Variants in DRC8 observed in about 807,000 individuals in gnomAD.
DRC8 encodes dynein regulatory complex protein 8.
At chr1:245,093,693 C>T in the DRC8 span, among the ~76,000 whole-genome samples, 1 of 138,204 alleles carries the variant, frequency 7.2e-6, no homozygotes. Context: ...AAGACTCCAT[C>T]TCACAAAAAA....
the DRC8 span, among the ~76,000 whole-genome samples, chr1:244,996,705 A>G: frequency 6.6e-6 from 1 of 152,326 alleles, no homozygotes; most frequent in East Asian, 1.9e-4. Context: ...CCTTAGGTAA[A>G]GGAGTGGATA....
chr1:244,969,896 G>C, the DRC8 span: 4 of 458,634 alleles, frequency 8.7e-6, no homozygotes, highest in Middle Eastern at 5.5e-4. Flanking sequence ...TGGGAAGCGG[G>C]AGGAGGAGGC....
At chr1:245,051,284 C>T in the DRC8 span, among the ~76,000 whole-genome samples, 806 of 152,006 alleles carry the variant, frequency 5.3e-3, 4 homozygotes, top group African/African-American at 0.018. Context: ...CTCAGTTGCT[C>T]GGAAGGCTGA....
chr1:244,970,488 C>T, the DRC8 span: 1 of 1,521,078 alleles, frequency 6.6e-7, no homozygotes, highest in Non-Finnish European at 8.8e-7. Context: ...CCGCCCGCCG[C>T]GACCCCGGGC....
chr1:244,970,802 CG>C, the DRC8 span: 1 of 362,516 alleles, frequency 2.8e-6, no homozygotes, highest in Non-Finnish European at 5.0e-6. Context: ...CCTCGGAGGC[CG>C]GGCCTTGCAT....
the DRC8 span, among the ~76,000 whole-genome samples, chr1:245,112,832 C>T: frequency 6.6e-6 from 1 of 151,700 alleles, no homozygotes; most frequent in East Asian, 1.9e-4. Context: ...TGGCTCACTG[C>T]AGCCTCCGCC....
At chr1:245,020,835 G>T in the DRC8 span, among the ~76,000 whole-genome samples, 1 of 147,918 alleles carries the variant, frequency 6.8e-6, no homozygotes, top group African/African-American at 2.5e-5. Flanking sequence ...TCACCATGTT[G>T]TCCAGGCTGG....
the DRC8 span, among the ~76,000 whole-genome samples, chr1:245,012,190 A>C: frequency 6.6e-6 from 1 of 152,208 alleles, no homozygotes; most frequent in Non-Finnish European, 1.5e-5. Flanking sequence ...ATGCAAATAA[A>C]GTTTGGAAAC....
At chr1:245,060,914 A>G in the DRC8 span, among the ~76,000 whole-genome samples, 1 of 152,240 alleles carries the variant, frequency 6.6e-6, no homozygotes, top group Non-Finnish European at 1.5e-5. Flanking sequence ...AAACACAGCT[A>G]AACTCATTTA....
the DRC8 span, among the ~76,000 whole-genome samples, chr1:245,088,367 T>C: frequency 0.011 from 1,642 of 148,938 alleles, 85 homozygotes; most frequent in East Asian, 0.14. The surrounding 1 kb of genome is among the most constrained non-coding windows in gnomAD (Gnocchi z 4.6). Context: ...TATTTGAAGA[T>C]GGCTTCACCA....
At chr1:245,069,459 G>A in the DRC8 span, among the ~76,000 whole-genome samples, 1 of 152,130 alleles carries the variant, frequency 6.6e-6, no homozygotes, top group Non-Finnish European at 1.5e-5. Flanking sequence ...CAGGGTAACA[G>A]AGGCAGAAGA....
At chr1:245,000,561 A>G in the DRC8 span, among the ~76,000 whole-genome samples, 1 of 152,094 alleles carries the variant, frequency 6.6e-6, no homozygotes, top group Non-Finnish European at 1.5e-5. Context: ...CAGGCAGATC[A>G]TGAGGTCAGG....
chr1:245,111,199 A>T, the DRC8 span, among the ~76,000 whole-genome samples: 1 of 152,222 alleles, frequency 6.6e-6, no homozygotes, highest in Non-Finnish European at 1.5e-5. Context: ...AAAAGGCAGC[A>T]GGGAGTCAGA....
the DRC8 span, among the ~76,000 whole-genome samples, chr1:244,984,884 A>G: frequency 6.6e-6 from 1 of 151,014 alleles, no homozygotes; most frequent in South Asian, 2.1e-4. Context: ...ATTTCCTGAC[A>G]CATACGTGTT....
the DRC8 span, among the ~76,000 whole-genome samples, chr1:245,062,048 A>G: frequency 6.6e-6 from 1 of 152,148 alleles, no homozygotes; most frequent in Non-Finnish European, 1.5e-5. Context: ...AGAGGTTGCA[A>G]TGAGCTGAGG....
chr1:245,079,121 C>G, the DRC8 span, among the ~76,000 whole-genome samples: 1 of 152,050 alleles, frequency 6.6e-6, no homozygotes, highest in Non-Finnish European at 1.5e-5. Flanking sequence ...ATTAAACATT[C>G]CATGAATTCT....
the DRC8 span, among the ~76,000 whole-genome samples, chr1:245,053,120 T>C: frequency 1.5e-3 from 222 of 152,344 alleles, 1 homozygote; most frequent in South Asian, 0.024. Flanking sequence ...GTAAGTCTTC[T>C]CTTAACCTTT....
At chr1:245,043,446 AAAG>A in the DRC8 span, among the ~76,000 whole-genome samples, 1,397 of 150,638 alleles carry the variant, frequency 9.3e-3, 23 homozygotes, top group African/African-American at 0.034. Context: ...GGAAAAAAAA[AAAG>A]AAAGAAAGAA....
chr1:245,078,434 A>G, the DRC8 span, among the ~76,000 whole-genome samples: 1 of 73,674 alleles, frequency 1.4e-5, no homozygotes, highest in African/African-American at 4.6e-5. Context: ...CAACGTGTCT[A>G]TAAACAAATG....
Sources: gnomAD v4.1 joint callset for allele counts (sites outside exome capture counted in the v4.1 genomes callset) on GRCh38, gnomAD v4.1.1 for gene constraint, Gnocchi (gnomAD v3.1) non-coding constraint, MANE v1.5 for transcripts, NCBI Gene and HGNC (gene_info 2026-07-23, HGNC 2026-07-21) for gene names.